The following FNDC3B variants were observed in gnomAD, a reference collection of about 807,000 sequenced individuals.
FNDC3B encodes fibronectin type III domain-containing protein 3B.
FNDC3B carries 12 observed loss-of-function variants against 151.5 expected under a neutral mutation model. The observed-to-expected ratio is 0.08, with a 90% CI of 0.05 to 0.13. The LOEUF (loss-of-function observed/expected upper bound fraction) is 0.13, where lower values mean the gene tolerates loss of function less well. FNDC3B is among the 10% of genes least tolerant of loss of function. The pLI, the probability that FNDC3B is intolerant of heterozygous loss-of-function variation, is 1.00. For missense variants in FNDC3B, 1,214 were observed against 1,505.3 expected (o/e 0.81, Z 3.20); for synonymous variants, 528 against 549.0 (o/e 0.96, Z 0.54).
chr3:172,041,121 G>T (rs765072507), intron 1 of FNDC3B, among the ~76,000 whole-genome samples: 1 of 151,954 alleles, frequency 6.6e-6, no homozygotes, highest in African/African-American at 2.4e-5. Context: ...GCCAACGCTG[G>T]GGCCAAAAAT....
chr3:172,242,930 C>T lies in FNDC3B; in HGVS notation c.265-4603C>T, dbSNP rs189330708. Among the ~76,000 whole-genome samples the T allele has an allele frequency of 2.0e-5, 3 of 152,268 alleles. No homozygotes were observed. In the East Asian group the frequency reaches 5.8e-4, roughly 29 times the overall value. On this transcript the variant is annotated intron_variant, in intron 4 of 25. Transcript: ENST00000415807. ...ATGCCTTTAACAGCACCCAGGTCAC[C>T]TCTTGAAGGCTCTGCTGCTTAGAGA...
intron 3 of FNDC3B, among the ~76,000 whole-genome samples, chr3:172,213,555 TTA>T (rs1316764311): frequency 6.6e-6 from 1 of 152,234 alleles, no homozygotes; most frequent in African/African-American, 2.4e-5. Context: ...TTGCTCATAT[TTA>T]TATATCATGC....
At chr3:172,216,867 A>G (rs1726005986) in intron 3 of FNDC3B, among the ~76,000 whole-genome samples, 1 of 152,028 alleles carries the variant, frequency 6.6e-6, no homozygotes, top group South Asian at 2.1e-4. Flanking sequence ...TCCAAAGATA[A>G]TTTCTTGGAC....
intron 2 of FNDC3B, among the ~76,000 whole-genome samples, chr3:172,124,846 C>T (rs1211329556): frequency 6.6e-6 from 1 of 152,188 alleles, no homozygotes; most frequent in Non-Finnish European, 1.5e-5. Flanking sequence ...GGAGGGCTTA[C>T]GAGGTGCTGG....
intron 21 of FNDC3B, among the ~76,000 whole-genome samples, chr3:172,347,728 ACT>A (rs1308881004): frequency 6.6e-6 from 1 of 152,076 alleles, no homozygotes; most frequent in Non-Finnish European, 1.5e-5. Flanking sequence ...AGTGGGAAAG[ACT>A]CTTAGAACTG....
chr3:172,128,046 T>A (rs1369644009), intron 2 of FNDC3B, among the ~76,000 whole-genome samples: 2 of 152,236 alleles, frequency 1.3e-5, no homozygotes, highest in Non-Finnish European at 2.9e-5. Flanking sequence ...TTATTTTGCA[T>A]AGTAAGAGTC....
intron 1 of FNDC3B, among the ~76,000 whole-genome samples, chr3:172,086,360 T>TTA (rs1553759495): frequency 6.8e-6 from 1 of 147,550 alleles, no homozygotes; most frequent in African/African-American, 2.5e-5. Context: ...ACCTGATCTT[T>TTA]AAAAAAAAAA....
intron 3 of FNDC3B, among the ~76,000 whole-genome samples, chr3:172,208,831 G>C (rs1725567289): frequency 6.6e-6 from 1 of 152,156 alleles, no homozygotes; most frequent in Non-Finnish European, 1.5e-5. Flanking sequence ...TCCGGCCACT[G>C]TGCACAGCTA....
At chr3:172,084,449 CA>C (rs1220134829) in intron 1 of FNDC3B, among the ~76,000 whole-genome samples, 14 of 84,532 alleles carry the variant, frequency 1.7e-4, no homozygotes, top group East Asian at 4.4e-4. Context: ...GACCTTGTCT[CA>C]AAAAAAAAAT....
intron 4 of FNDC3B, among the ~76,000 whole-genome samples, chr3:172,230,672 C>A (rs1446207640): frequency 6.6e-6 from 1 of 152,158 alleles, no homozygotes. Context: ...CCTGAATAGA[C>A]ATTTCTCTAA....
At chr3:172,112,692 C>A (rs1720037353) in intron 2 of FNDC3B, 102 bp downstream of exon 2, 1 of 806,978 alleles carries the variant, frequency 1.2e-6, no homozygotes, top group Admixed American at 1.9e-5. Context: ...GATTTCAAAC[C>A]TTAGCATTTC....
chr3:172,077,220 C>T (rs1297315434), intron 1 of FNDC3B, among the ~76,000 whole-genome samples: 1 of 152,128 alleles, frequency 6.6e-6, no homozygotes, highest in Non-Finnish European at 1.5e-5. Flanking sequence ...CATTAAAAAT[C>T]TGTGCTTAGG....
intron 1 of FNDC3B, among the ~76,000 whole-genome samples, chr3:172,093,604 G>A (rs1009123733): frequency 5.9e-5 from 9 of 151,938 alleles, no homozygotes; most frequent in African/African-American, 1.7e-4. Context: ...TTACTGTGTC[G>A]CCCAGGGTGG....
chr3:172,288,617 C>A (rs1417368805), intron 7 of FNDC3B, among the ~76,000 whole-genome samples: 1 of 152,212 alleles, frequency 6.6e-6, no homozygotes, highest in East Asian at 1.9e-4. Flanking sequence ...GAGAAACTTT[C>A]TGGAGGTGAG....
intron 2 of FNDC3B, among the ~76,000 whole-genome samples, 170 bp from the exon 3 acceptor site, chr3:172,133,301 T>C (rs1173463696): frequency 1.3e-5 from 2 of 152,254 alleles, no homozygotes; most frequent in Non-Finnish European, 2.9e-5. Flanking sequence ...TTTGAATGCA[T>C]GTACTCCTCC....
At position 172,053,195 on chromosome 3, in the gene FNDC3B, C is replaced by G. The variant is rs1387720190; in HGVS notation, c.-29+13424C>G. On this transcript the variant is annotated intron_variant, in intron 1 of 25. Coordinates refer to ENST00000415807, the MANE Select transcript of FNDC3B (RefSeq NM_022763.4). ...GTTTTTCTGTAGGTGTTTCTAGTGT[C>G]CACCGCAGAAGCTGGTACATATTGA... 2.6e-5 allele frequency among the ~76,000 whole-genome samples: 4 copies of G among 152,242 alleles called. No individual in the cohort carries two copies. The South Asian group carries it at 8.3e-4, about 32-fold the overall frequency.
chr3:172,145,487 C>T (rs1272119258), intron 3 of FNDC3B, among the ~76,000 whole-genome samples: 1 of 152,146 alleles, frequency 6.6e-6, no homozygotes, highest in Non-Finnish European at 1.5e-5. Context: ...ACTGTTTGTT[C>T]TTGAAGTGCT....
intron 7 of FNDC3B, 152 bp downstream of exon 7, chr3:172,286,136 T>C (rs1198740188): frequency 3.2e-6 from 2 of 618,720 alleles, no homozygotes; most frequent in Non-Finnish European, 5.7e-6. Flanking sequence ...GGTTCAGTTA[T>C]TAATGGACCA....
At chr3:172,328,158 A>G (rs1437732514) in intron 11 of FNDC3B, among the ~76,000 whole-genome samples, 1 of 152,244 alleles carries the variant, frequency 6.6e-6, no homozygotes, top group Non-Finnish European at 1.5e-5. Flanking sequence ...AATTTGAAGT[A>G]TCACATAAGG....
Sources: gnomAD v4.1 joint callset for allele counts (sites outside exome capture counted in the v4.1 genomes callset) on GRCh38, gnomAD v4.1.1 for gene constraint, MANE v1.5 for transcripts, NCBI Gene and HGNC (gene_info 2026-07-23, HGNC 2026-07-21) for gene names.